ANKFY1: variants seen among roughly 807,000 people sequenced by gnomAD.
ANKFY1 encodes the protein ankyrin repeat and FYVE domain-containing protein 1.
In ANKFY1, 47 loss-of-function variants were observed where a neutral mutation model predicts 128.3. The ratio of observed to expected loss-of-function variants is 0.37; its 90% CI spans 0.29 to 0.47. The LOEUF (loss-of-function observed/expected upper bound fraction) is 0.47. Ranked by LOEUF, ANKFY1 falls within the 20% of genes least tolerant of loss-of-function variation. ANKFY1 has a pLI of 1.00. For missense variants in ANKFY1, 1,222 were observed against 1,510.6 expected (o/e 0.81, Z 3.17); for synonymous variants, 553 against 601.6 (o/e 0.92, Z 1.18).
intron 1 of ANKFY1, among the ~76,000 whole-genome samples, chr17:4,252,206 T>C (rs901132628): frequency 6.6e-6 from 1 of 152,048 alleles, no homozygotes; most frequent in Non-Finnish European, 1.5e-5. Context: ...AGATGCAAAT[T>C]GAAATCACAA....
intron 2 of ANKFY1, among the ~76,000 whole-genome samples, chr17:4,240,119 C>T (rs1477858200): frequency 2.0e-5 from 3 of 148,080 alleles, no homozygotes. Flanking sequence ...GGCTGCCGTG[C>T]AGTGGCGCAA....
chr17:4,242,104 AAT>A (rs1302882518), intron 2 of ANKFY1, 150 bp downstream of exon 2: 13 of 727,060 alleles, frequency 1.8e-5, no homozygotes, highest in Admixed American at 3.9e-5. Context: ...AAAAAAAAAA[AAT>A]CTTGCCTCAA....
chr17:4,170,045 C>A (rs533099485), intron 23 of ANKFY1, among the ~76,000 whole-genome samples: 1 of 152,186 alleles, frequency 6.6e-6, no homozygotes, highest in African/African-American at 2.4e-5. Flanking sequence ...GCCAAGTGCA[C>A]GGCAGAGGGA....
intron 1 of ANKFY1, among the ~76,000 whole-genome samples, chr17:4,248,505 T>C (rs548250954): frequency 6.6e-6 from 1 of 152,288 alleles, no homozygotes; most frequent in African/African-American, 2.4e-5. Flanking sequence ...GAGAAGTACG[T>C]GTAAAGTCAT....
chr17:4,181,220 A>G lies in ANKFY1; in HGVS notation c.2240+34T>C. On this transcript the variant is annotated intron_variant, in intron 16 of 24. Transcript: ENST00000341657. The surrounding 1 kb of genome is among the most constrained non-coding windows in gnomAD (Gnocchi z 4.9). ...GAGCCAGTTTGCAACAAGCTCACTA[A>G]AAAGCTGTGGAGAGATACTGGGGAC... 6.4e-7 allele frequency: 1 copy of G among 1,563,234 alleles called. No homozygotes were observed. Among genetic ancestry groups the G allele is most frequent in the Non-Finnish European group, 8.8e-7 (1 of 1,134,504 alleles).
intron 4 of ANKFY1, among the ~76,000 whole-genome samples, chr17:4,211,321 C>T (rs1423506268): frequency 6.6e-6 from 1 of 150,740 alleles, no homozygotes; most frequent in East Asian, 2.0e-4. Context: ...CACGTGAACC[C>T]GGGAGGCAGA....
At chr17:4,209,716 A>C in intron 5 of ANKFY1, 108 bp downstream of exon 5, 12 of 1,272,008 alleles carry the variant, frequency 9.4e-6, no homozygotes, top group African/African-American at 1.5e-5. Flanking sequence ...TTGTGTAACA[A>C]GAGAAAACCA....
intron 1 of ANKFY1, chr17:4,263,520 A>G (rs1968535235): frequency 8.6e-7 from 1 of 1,162,364 alleles, no homozygotes; most frequent in African/African-American, 1.7e-5. Flanking sequence ...GCTCTTCCGC[A>G]AGCGAGGGAT....
At chr17:4,175,327 T>C (rs1249317151) in intron 19 of ANKFY1, among the ~76,000 whole-genome samples, 1 of 147,636 alleles carries the variant, frequency 6.8e-6, no homozygotes, top group Non-Finnish European at 1.5e-5. Flanking sequence ...AGCAAGACCA[T>C]GTCTCAAAAA....
intron 1 of ANKFY1, among the ~76,000 whole-genome samples, chr17:4,250,691 A>G (rs571896505): frequency 3.3e-5 from 5 of 152,160 alleles, no homozygotes; most frequent in East Asian, 3.9e-4. Flanking sequence ...TCTTAGAAAC[A>G]GGGTCTCCCT....
rs2060055478 is a variant in ANKFY1, at chr17:4,207,925, T to C, written c.732+8A>G. The C allele has an allele frequency of 2.5e-6, 4 of 1,575,146 alleles. No homozygotes were observed. The highest frequency in any genetic ancestry group is 3.4e-6 in the Non-Finnish European group (4 of 1,164,640). ...GGAAATGAAGAATGGAAAAGGCAGCTACAGTACCTGGGAATCCATTTCAAT... is the reference window on the plus strand; with the variant it reads ...GGAAATGAAGAATGGAAAAGGCAGCCACAGTACCTGGGAATCCATTTCAAT... On this transcript the variant is annotated splice_region_variant and intron_variant, in intron 6 of 24. Transcript: ENST00000341657.
At chr17:4,222,756 A>C in intron 3 of ANKFY1, 1 of 981,374 alleles carries the variant, frequency 1.0e-6, no homozygotes, top group Non-Finnish European at 1.7e-6. Flanking sequence ...CGTAGCAATA[A>C]TATTAGCTGT....
intron 10 of ANKFY1, 47 bp downstream of exon 10, chr17:4,194,931 G>T: frequency 6.3e-7 from 1 of 1,598,328 alleles, no homozygotes; most frequent in Non-Finnish European, 8.6e-7. Flanking sequence ...CCATTTCCTG[G>T]CGCCTGCAGA....
intron 4 of ANKFY1, among the ~76,000 whole-genome samples, chr17:4,213,931 GC>G (rs2060179388): frequency 6.6e-6 from 1 of 152,070 alleles, no homozygotes; most frequent in Non-Finnish European, 1.5e-5. Context: ...CAAACCTGTA[GC>G]ACACCACAGC....
At chr17:4,176,990 G>A in intron 19 of ANKFY1, 136 bp downstream of exon 19, 1 of 927,718 alleles carries the variant, frequency 1.1e-6, no homozygotes, top group Non-Finnish European at 1.5e-6. Flanking sequence ...AGTTTCCTGA[G>A]TGCACCAGCC....
chr17:4,231,896 C>T (rs558306137), intron 3 of ANKFY1, among the ~76,000 whole-genome samples: 94 of 150,828 alleles, frequency 6.2e-4, no homozygotes, highest in Non-Finnish European at 6.9e-4. Flanking sequence ...GTGATTGCAC[C>T]ATGGCACTCT....
chr17:4,173,408 T>C lies in ANKFY1; in HGVS notation c.2960A>G (p.Asn987Ser). 1.2e-6 allele frequency: 2 copies of C among 1,614,150 alleles called. No individual in the cohort carries two copies. The highest frequency in any genetic ancestry group is 2.2e-5 in the South Asian group (2 of 91,090). ...GCACTCTGTCAGGAGAACCCGGATGTTGTTGAGCCGGCCGTGCATGACAGC... is the reference window on the plus strand; with the variant it reads ...GCACTCTGTCAGGAGAACCCGGATGCTGTTGAGCCGGCCGTGCATGACAGC... ...HLAVMHGRLN[N>S]IRVLLTECTV... The change falls in exon 21 of 25, where the codon AAC (asparagine) becomes AGC (serine). Residue 987 changes from asparagine to serine, a missense_variant. Asn to Ser is a conservative substitution (Grantham distance 46). Transcript: ENST00000341657.
chr17:4,175,026 C>A (rs999373175), intron 19 of ANKFY1, among the ~76,000 whole-genome samples: 1 of 150,110 alleles, frequency 6.7e-6, no homozygotes, highest in African/African-American at 2.4e-5. Flanking sequence ...CTGCACCCGG[C>A]CTGTTTTTTA....
Position 4,169,208 on chromosome 17 carries a change from T to G in ANKFY1, c.3367A>C (p.Lys1123Gln). 6.4e-7 allele frequency: 1 copy of G among 1,552,414 alleles called. No individual in the cohort carries two copies. Among genetic ancestry groups the G allele is most frequent in the Non-Finnish European group, 8.7e-7 (1 of 1,147,386 alleles). Residue 1123 changes from lysine (K) to glutamine (Q), a missense_variant, in exon 24 of 25, where the codon AAA (lysine) becomes CAA (glutamine). Transcript: ENST00000341657. This position sits in a 1 kb window ranked among gnomAD's most constrained non-coding sequence, Gnocchi z 5.0. ...CTARFGVTTR[K>Q]HHCRHCGRLL... Reference sequence around the variant, plus strand: ...ACGCTGGGGTCTTACCAGTGGTGTTTGCGAGTGGTGACTCCGAACCTGGCA... The same window carrying G: ...ACGCTGGGGTCTTACCAGTGGTGTTGGCGAGTGGTGACTCCGAACCTGGCA...
Sources: allele counts gnomAD v4.1 joint callset (sites outside exome capture counted in the v4.1 genomes callset), GRCh38; gene constraint gnomAD v4.1.1; non-coding constraint Gnocchi (gnomAD v3.1); transcripts MANE v1.5; gene names NCBI Gene and HGNC (gene_info 2026-07-23, HGNC 2026-07-21).